The following ATPAF1 variants were observed in gnomAD, a reference collection of about 807,000 sequenced individuals.
The protein encoded by ATPAF1 is homolog of yeast ATP11.
In ATPAF1, 26 loss-of-function variants were observed where a neutral mutation model predicts 43.9. That is an observed-to-expected ratio of 0.59 (90% CI 0.43 to 0.82). ATPAF1 has a LOEUF of 0.82. Ranked by LOEUF, ATPAF1 falls within the 40% of genes least tolerant of loss-of-function variation. The pLI is 0.00. For missense variants in ATPAF1, 366 were observed against 435.0 expected, an observed-to-expected ratio of 0.84 and a Z score of 1.41; for synonymous variants, 157 against 168.0, an observed-to-expected ratio of 0.93 and a Z score of 0.50.
intron 6 of ATPAF1, among the ~76,000 whole-genome samples, chr1:46,650,529 C>A (rs764145447): frequency 1.3e-5 from 2 of 152,006 alleles, no homozygotes; most frequent in African/African-American, 2.4e-5. Flanking sequence ...GGATATATAT[C>A]CAAAGGAAAG....
chr1:46,665,665 T>G, intron 1 of ATPAF1: 1 of 1,535,598 alleles, frequency 6.5e-7, no homozygotes, highest in East Asian at 2.4e-5. Context: ...TACTTAGAAT[T>G]TTGAGGTCAT....
In ATPAF1 at chr1:46,663,860, CTGGA is replaced by C. The variant is rs1464047328; in HGVS notation, c.375+1392_375+1395del. 4 of 1,253,472 alleles carry C rather than the reference CTGGA, an allele frequency of 3.2e-6. No individual in the cohort carries two copies. The East Asian group carries it at 1.7e-4, about 54-fold the overall frequency. The allele number at this position is 1,253,472 out of a possible 1,614,324, so 77.6% of individuals were successfully genotyped here. ...TAATTCAGGCTTCTGCAGCCCACACCTGGATTACTCCATATTCTCCCTGGCGCTG... is the reference window on the plus strand; with the variant it reads ...TAATTCAGGCTTCTGCAGCCCACACCTTACTCCATATTCTCCCTGGCGCTG... On this transcript the variant is annotated intron_variant, in intron 2 of 8. Coordinates refer to ENST00000574428, the Ensembl canonical transcript of ATPAF1.
intron 4 of ATPAF1, among the ~76,000 whole-genome samples, 164 bp downstream of exon 4, chr1:46,657,963 A>C (rs1676305895): frequency 6.6e-6 from 1 of 152,236 alleles, no homozygotes; most frequent in South Asian, 2.1e-4. Context: ...GTGACAAAGA[A>C]GACAAGTTTT....
intron 6 of ATPAF1, 54 bp from the exon 7 acceptor site, chr1:46,645,310 T>C: frequency 7.4e-7 from 1 of 1,350,090 alleles, no homozygotes; most frequent in Non-Finnish European, 1.1e-6. Flanking sequence ...TTATTTGCTC[T>C]ATATCCAACC....
intron 1 of ATPAF1, chr1:46,666,372 C>T (rs573195432): frequency 6.6e-6 from 1 of 152,498 alleles, no homozygotes; most frequent in Non-Finnish European, 1.5e-5. Flanking sequence ...GGACCAGGGT[C>T]AACCCTGCTA....
chr1:46,653,748 C>A lies in ATPAF1; in HGVS notation c.540+69G>T. Reference sequence around the variant, plus strand: ...ATAAACATAGGAAAAGTAAAGGCAACTGCCTGCTAAGGTTAGAGAACTGAC... The same window carrying A: ...ATAAACATAGGAAAAGTAAAGGCAAATGCCTGCTAAGGTTAGAGAACTGAC... On this transcript the variant is annotated intron_variant, in intron 5 of 8. Transcript: ENST00000574428. The surrounding 1 kb of genome is among the most constrained non-coding windows in gnomAD (Gnocchi z 4.8). 6.8e-7 allele frequency: 1 copy of A among 1,469,792 alleles called. No individual in the cohort carries two copies. Among genetic ancestry groups the A allele is most frequent in the South Asian group, 1.2e-5 (1 of 80,586 alleles). 91.0% of individuals were successfully genotyped at this position (1,469,792 alleles called of 1,614,324 possible).
chr1:46,666,565 C>T (rs544396799), intron 1 of ATPAF1, among the ~76,000 whole-genome samples: 2 of 152,362 alleles, frequency 1.3e-5, no homozygotes, highest in Non-Finnish European at 2.9e-5. Flanking sequence ...GAAAGTACAA[C>T]AGGTATTATG....
rs57140862 is a variant in ATPAF1, at chr1:46,642,786, TAAC to T, written c.792+405_792+407del. Among the ~76,000 whole-genome samples the T allele has an allele frequency of 4.2e-3, 638 of 152,318 alleles. 1 individual carries two copies. The highest frequency in any genetic ancestry group is 0.014 in the African/African-American group (586 of 41,568). On this transcript the variant is annotated intron_variant, in intron 8 of 8. Transcript: ENST00000574428. ...AAAGATAATAGGTATAGATACTATA[TAAC>T]TATATTATGTGACTCCCCATACTCA... is the stretch of plus-strand genomic sequence containing the variant.
chr1:46,663,807 G>T, intron 2 of ATPAF1: 1 of 1,159,822 alleles, frequency 8.6e-7, no homozygotes, highest in Non-Finnish European at 1.1e-6. Context: ...ACACAATGTA[G>T]AATCCCAATT....
chr1:46,652,691 A>C, intron 5 of ATPAF1, 63 bp from the exon 6 acceptor site: 1 of 1,380,230 alleles, frequency 7.2e-7, no homozygotes, highest in Non-Finnish European at 1.0e-6. Context: ...CCACTATCAC[A>C]TGTAATTCAC....
At chr1:46,641,742 C>T (rs1350183181) in intron 8 of ATPAF1, among the ~76,000 whole-genome samples, 2 of 152,184 alleles carry the variant, frequency 1.3e-5, no homozygotes, top group African/African-American at 4.8e-5. Context: ...GGGCATTCTA[C>T]CATCTTAATT....
chr1:46,636,070 A>G, intron 8 of ATPAF1, 100 bp from the exon 9 acceptor site: 1 of 1,358,768 alleles, frequency 7.4e-7, no homozygotes, highest in Non-Finnish European at 1.0e-6. Context: ...AGGAGTCACC[A>G]CTTCCAGAAA....
In ATPAF1 at chr1:46,663,637, T is replaced by C. The variant is rs1044873872; in HGVS notation, c.375+1619A>G. Among the ~76,000 whole-genome samples, 3 of 151,322 alleles carry C rather than the reference T, an allele frequency of 2.0e-5. No individual in the cohort carries two copies. The Admixed American group carries it at 2.0e-4, about 10-fold the overall frequency. ...CCACTTTTTGATGGGGTTTTTTTTT[T>C]CTTGTAAATTTGTTTGAGTTCACTG... On this transcript the variant is annotated intron_variant, in intron 2 of 8. Transcript: ENST00000574428.
At chr1:46,659,451 T>C (rs1461028817) in intron 2 of ATPAF1, among the ~76,000 whole-genome samples, 1 of 152,176 alleles carries the variant, frequency 6.6e-6, no homozygotes, top group East Asian at 1.9e-4. Flanking sequence ...AATGGAAAGA[T>C]GTGTTATCCA....
chr1:46,653,695 G>A lies in ATPAF1; in HGVS notation c.540+122C>T. On this transcript the variant is annotated intron_variant, in intron 5 of 8. Coordinates refer to ENST00000574428, the Ensembl canonical transcript of ATPAF1. The surrounding 1 kb of genome is among the most constrained non-coding windows in gnomAD (Gnocchi z 4.8). ...TCAGGGCATAATAAAAACTCTCAGGGCTGTAAAATGCAGCTTCTCAAGAGG... is the reference window on the plus strand; with the variant it reads ...TCAGGGCATAATAAAAACTCTCAGGACTGTAAAATGCAGCTTCTCAAGAGG... 1 of 814,280 alleles carries A rather than the reference G, an allele frequency of 1.2e-6. No homozygotes were observed. Among genetic ancestry groups the A allele is most frequent in the Non-Finnish European group, 1.9e-6 (1 of 517,620 alleles). The allele number at this position is 814,280 out of a possible 1,614,324, so 50.4% of individuals were successfully genotyped here.
In ATPAF1 at chr1:46,635,440, T is replaced by C. The variant is rs1286470736; in HGVS notation, c.*336A>G. ...GATGACAAACTCATCATTTGGGAGC[T>C]ATAAGGTCAAAGTGGCCAGAATGCA... On this transcript the variant is annotated 3_prime_UTR_variant, in exon 9 of 9. Transcript: ENST00000574428. The C allele has an allele frequency of 1.3e-5, 3 of 239,098 alleles. No individual in the cohort carries two copies. The East Asian group carries it at 2.5e-4, about 20-fold the overall frequency. The allele number at this position is 239,098 out of a possible 1,614,324, so 14.8% of individuals were successfully genotyped here.
chr1:46,653,891 C>T lies in ATPAF1; in HGVS notation c.490-24G>A. ...ATCTGTACAAAAAAGAGAGGGGTGT[C>T]TGTGACATGTGGGTAATCTTTTCAA... On this transcript the variant is annotated intron_variant, in intron 4 of 8. Transcript: ENST00000574428. This position sits in a 1 kb window ranked among gnomAD's most constrained non-coding sequence, Gnocchi z 4.8. 6.2e-7 allele frequency: 1 copy of T among 1,607,310 alleles called. No homozygotes were observed. Among genetic ancestry groups the T allele is most frequent in the Non-Finnish European group, 8.5e-7 (1 of 1,176,260 alleles).
chr1:46,654,613 C>G (rs975434072), intron 4 of ATPAF1, among the ~76,000 whole-genome samples: 1 of 150,738 alleles, frequency 6.6e-6, no homozygotes. Context: ...CATAGGTATA[C>G]GTGTGCCATG....
chr1:46,652,122 C>T (rs569722744), intron 6 of ATPAF1, among the ~76,000 whole-genome samples: 161 of 150,416 alleles, frequency 1.1e-3, no homozygotes, highest in Non-Finnish European at 1.8e-3. Context: ...TTGATCATTA[C>T]ACACTGCACA....
Sources: gnomAD v4.1 joint callset for allele counts (sites outside exome capture counted in the v4.1 genomes callset) on GRCh38, gnomAD v4.1.1 for gene constraint, Gnocchi (gnomAD v3.1) non-coding constraint, MANE v1.5 for transcripts, NCBI Gene and HGNC (gene_info 2026-07-23, HGNC 2026-07-21) for gene names.